Variants in GRIK2 observed in about 807,000 individuals in gnomAD.
GRIK2 encodes glutamate ionotropic receptor kainate type subunit 2.
In GRIK2, 32 loss-of-function variants were observed where a neutral mutation model predicts 100.3. The observed-to-expected ratio is 0.32, with a 90% CI of 0.24 to 0.43. GRIK2 has a LOEUF of 0.43. Among genes scored for constraint, GRIK2 ranks in the 20% least tolerant of loss-of-function variants. The pLI is 1.00. For missense variants in GRIK2, 843 were observed against 1,114.9 expected, an observed-to-expected ratio of 0.76 and a Z score of 3.47; for synonymous variants, 417 against 389.4, an observed-to-expected ratio of 1.07 and a Z score of -0.83.
intron 14 of GRIK2, among the ~76,000 whole-genome samples, chr6:102,016,222 A>G (rs2114340617): frequency 6.6e-6 from 1 of 152,322 alleles, no homozygotes. Flanking sequence ...TCAGGTAAAC[A>G]TTGAAACCGA....
chr6:101,496,327 G>T (rs934618952), intron 2 of GRIK2, among the ~76,000 whole-genome samples: 1 of 152,108 alleles, frequency 6.6e-6, no homozygotes. Flanking sequence ...ATAAAACATT[G>T]TTAGGAGCAG....
intron 11 of GRIK2, among the ~76,000 whole-genome samples, chr6:101,880,731 A>C (rs1321457123): frequency 6.6e-6 from 1 of 151,998 alleles, no homozygotes; most frequent in Non-Finnish European, 1.5e-5. Flanking sequence ...TTGATTGATT[A>C]TTACTTCATT....
chr6:101,660,027 G>A lies in GRIK2; in HGVS notation c.542-16596G>A, dbSNP rs1027107784. ...ATTTGAATGTTGGCCTCTCTTGCTA[G>A]GTTGGGGAAGTTCTCCTTGATAATA... is the stretch of plus-strand genomic sequence containing the variant. On this transcript the variant is annotated intron_variant, in intron 4 of 16. Transcript: ENST00000369134. Among the ~76,000 whole-genome samples, 5 of 152,134 alleles carry A rather than the reference G, an allele frequency of 3.3e-5. No individual in the cohort carries two copies. In the South Asian group the frequency reaches 1.0e-3, roughly 32 times the overall value.
intron 14 of GRIK2, among the ~76,000 whole-genome samples, chr6:101,959,395 G>C (rs186781977): frequency 1.3e-5 from 2 of 152,130 alleles, no homozygotes; most frequent in African/African-American, 4.8e-5. Context: ...AGCAGTCTTT[G>C]ATGATCTTTT....
intron 10 of GRIK2, among the ~76,000 whole-genome samples, chr6:101,851,537 A>G (rs1003971949): frequency 6.6e-6 from 1 of 152,038 alleles, no homozygotes; most frequent in South Asian, 2.1e-4. Flanking sequence ...TTAGATAGTC[A>G]TATGTTGCTA....
chr6:101,436,942 A>C (rs1182993711), intron 2 of GRIK2, among the ~76,000 whole-genome samples: 3 of 151,388 alleles, frequency 2.0e-5, no homozygotes, highest in East Asian at 1.9e-4. Context: ...AAATCATCAT[A>C]TTTAAAGTAG....
At chr6:101,818,281 A>C in intron 9 of GRIK2, 89 bp from the exon 10 acceptor site, 1 of 709,238 alleles carries the variant, frequency 1.4e-6, no homozygotes, top group Non-Finnish European at 2.4e-6. Context: ...AAGGTGAATA[A>C]TAAGTGTTAG....
At chr6:101,746,204 G>C (rs546028615) in intron 7 of GRIK2, among the ~76,000 whole-genome samples, 18 of 152,144 alleles carry the variant, frequency 1.2e-4, no homozygotes, top group African/African-American at 4.3e-4. Context: ...AATCTCTCTA[G>C]CATTTGGTGG....
intron 2 of GRIK2, among the ~76,000 whole-genome samples, chr6:101,554,439 G>T (rs1190309491): frequency 6.6e-6 from 1 of 151,748 alleles, no homozygotes; most frequent in East Asian, 1.9e-4. Context: ...TTGCTGTGAG[G>T]ATACTAGGTG....
rs200462444 is a variant in GRIK2, at chr6:101,595,698, A to ATG, written c.116-26231_116-26230dup. ...AATATATTTGTGCATGTATATATATATGTGTGTGTGTGTGTGTGTGTATAT... is the reference window on the plus strand; with the variant it reads ...AATATATTTGTGCATGTATATATATATGTGTGTGTGTGTGTGTGTGTGTATAT... On this transcript the variant is annotated intron_variant, in intron 2 of 16. Transcript: ENST00000369134. Among the ~76,000 whole-genome samples, 195 of 136,706 alleles carry ATG rather than the reference A, an allele frequency of 1.4e-3. 2 individuals are homozygous for ATG. Among genetic ancestry groups the ATG allele is most frequent in the Middle Eastern group, 3.8e-3 (1 of 266 alleles). The allele number at this position is 136,706 out of a possible 152,430, so 89.7% of individuals were successfully genotyped here. A position where few individuals can be genotyped will look rare whatever the true frequency, so the allele number is the denominator to read the frequency against.
At chr6:102,055,716 T>C (rs774167428) in intron 16 of GRIK2, 136 bp downstream of exon 16, 15 of 587,616 alleles carry the variant, frequency 2.6e-5, no homozygotes, top group Non-Finnish European at 4.5e-5. Flanking sequence ...ATGTCATTCA[T>C]TACATAACAA....
chr6:101,625,833 T>C (rs1780407363), intron 3 of GRIK2, among the ~76,000 whole-genome samples: 1 of 152,196 alleles, frequency 6.6e-6, no homozygotes, highest in Non-Finnish European at 1.5e-5. Context: ...TCAGTGTGAC[T>C]GATCCATATG....
At chr6:101,606,361 C>T (rs953881022) in intron 2 of GRIK2, among the ~76,000 whole-genome samples, 1 of 151,910 alleles carries the variant, frequency 6.6e-6, no homozygotes, top group Admixed American at 6.6e-5. Flanking sequence ...CTTATGGGTA[C>T]CTTTATTCAC....
intron 14 of GRIK2, among the ~76,000 whole-genome samples, chr6:102,030,328 CT>C: frequency 6.6e-6 from 1 of 151,396 alleles, no homozygotes; most frequent in East Asian, 2.0e-4. Context: ...TCTCTTCAAT[CT>C]TTTAAAATCT....
chr6:101,794,300 G>A (rs758600815), intron 7 of GRIK2, among the ~76,000 whole-genome samples: 10 of 151,974 alleles, frequency 6.6e-5, no homozygotes, highest in Admixed American at 2.6e-4. Flanking sequence ...CCTCTTCTGC[G>A]TCGCTCACGC....
At position 101,555,922 on chromosome 6, in the gene GRIK2, C is replaced by T. The variant is rs181416226; in HGVS notation, c.116-66027C>T. Reference sequence around the variant, plus strand: ...CTGTGTATTAATATAAGAAAGAAAACCAAAATAAATTACTTAGTAATGAAG... The same window carrying T: ...CTGTGTATTAATATAAGAAAGAAAATCAAAATAAATTACTTAGTAATGAAG... On this transcript the variant is annotated intron_variant, in intron 2 of 16. Coordinates refer to ENST00000369134, the MANE Select transcript of GRIK2 (RefSeq NM_021956.5). 1.4e-3 allele frequency among the ~76,000 whole-genome samples: 214 copies of T among 151,994 alleles called. 4 individuals carry two copies. Among genetic ancestry groups the T allele is most frequent in the South Asian group, 0.012 (60 of 4,822 alleles).
At chr6:101,559,455 C>G (rs902094596) in intron 2 of GRIK2, among the ~76,000 whole-genome samples, 1 of 151,864 alleles carries the variant, frequency 6.6e-6, no homozygotes, top group African/African-American at 2.4e-5. Context: ...TAATTGCAAC[C>G]TCTCATTTAA....
At chr6:101,560,896 T>A (rs1776978567) in intron 2 of GRIK2, among the ~76,000 whole-genome samples, 1 of 152,254 alleles carries the variant, frequency 6.6e-6, no homozygotes, top group South Asian at 2.1e-4. Flanking sequence ...ACAGTTAATG[T>A]TTTGAAGAAT....
chr6:101,719,186 A>G (rs1774293638), intron 7 of GRIK2, among the ~76,000 whole-genome samples: 1 of 103,434 alleles, frequency 9.7e-6, no homozygotes, highest in Non-Finnish European at 1.8e-5. Context: ...TGATGAATAC[A>G]TAATTGTCCT....
Sources: gnomAD v4.1 joint callset for allele counts (sites outside exome capture counted in the v4.1 genomes callset) on GRCh38, gnomAD v4.1.1 for gene constraint, MANE v1.5 for transcripts, NCBI Gene and HGNC (gene_info 2026-07-23, HGNC 2026-07-21) for gene names.